Variants in FAT3 observed in about 807,000 individuals in gnomAD.
The protein encoded by FAT3 is protocadherin Fat 3.
In FAT3, 95 loss-of-function variants were observed where a neutral mutation model predicts 310.2. The ratio of observed to expected loss-of-function variants is 0.31; its 90% CI spans 0.26 to 0.36. The LOEUF (loss-of-function observed/expected upper bound fraction) is 0.36. FAT3 is among the 10% of genes least tolerant of loss of function. The pLI is 1.00. For synonymous variants in FAT3, 2,314 were observed against 2,192.9 expected, an observed-to-expected ratio of 1.06 and a Z score of -1.54; for missense variants, 5,408 against 5,715.6, an observed-to-expected ratio of 0.95 and a Z score of 1.74.
chr11:92,555,063 A>G (rs1447426462), intron 3 of FAT3, among the ~76,000 whole-genome samples: 1 of 152,224 alleles, frequency 6.6e-6, no homozygotes. Context: ...CTTTGAGACC[A>G]CACACACCCA....
intron 2 of FAT3, among the ~76,000 whole-genome samples, chr11:92,423,433 C>G (rs1196572726): frequency 6.6e-6 from 1 of 152,112 alleles, no homozygotes; most frequent in Non-Finnish European, 1.5e-5. Flanking sequence ...GATCTCATTA[C>G]TTTGGAATAC....
chr11:92,607,393 A>G (rs1458563131), intron 3 of FAT3, among the ~76,000 whole-genome samples: 1 of 152,202 alleles, frequency 6.6e-6, no homozygotes, highest in African/African-American at 2.4e-5. Context: ...TTAAAGAAAC[A>G]TGACAACAAT....
chr11:92,263,618 A>AGTGTGTGTGTGT (rs555917659), intron 1 of FAT3, among the ~76,000 whole-genome samples: 2 of 147,484 alleles, frequency 1.4e-5, no homozygotes, highest in African/African-American at 5.1e-5. Context: ...TTTGAATATA[A>AGTGTGTGTGTGT]GTGTGTGTGT....
At chr11:92,519,677 A>G (rs7128802) in intron 2 of FAT3, among the ~76,000 whole-genome samples, 5,404 of 152,118 alleles carry the variant, frequency 0.036, 320 homozygotes, top group African/African-American at 0.12. Context: ...CAAGAAAACA[A>G]CCCAAATTTA....
chr11:92,704,480 A>C (rs951577250), intron 4 of FAT3, among the ~76,000 whole-genome samples: 1 of 152,218 alleles, frequency 6.6e-6, no homozygotes, highest in African/African-American at 2.4e-5. Flanking sequence ...GTAACTCAGA[A>C]TGTGACTGGA....
At chr11:92,387,470 C>T (rs186506253) in intron 2 of FAT3, among the ~76,000 whole-genome samples, 89 of 151,992 alleles carry the variant, frequency 5.9e-4, no homozygotes, top group Admixed American at 1.7e-3. Context: ...TGTTGGAAAC[C>T]AGAAAGAAGG....
chr11:92,787,329 A>G (rs1198555948), intron 7 of FAT3, among the ~76,000 whole-genome samples: 1 of 152,080 alleles, frequency 6.6e-6, no homozygotes, highest in Non-Finnish European at 1.5e-5. Flanking sequence ...TAGAAGCTGA[A>G]CTGCTTTGAA....
intron 3 of FAT3, among the ~76,000 whole-genome samples, chr11:92,568,410 A>C (rs762442211): frequency 8.5e-5 from 13 of 152,118 alleles, no homozygotes; most frequent in Non-Finnish European, 1.5e-4. Flanking sequence ...TAGTGAGTAC[A>C]TTTTTATATT....
chr11:92,689,079 T>A (rs899564366), intron 3 of FAT3, among the ~76,000 whole-genome samples: 8 of 152,184 alleles, frequency 5.3e-5, no homozygotes, highest in African/African-American at 1.9e-4. Flanking sequence ...ATGCTAAGCA[T>A]TTTTAATTAT....
chr11:92,399,625 C>G (rs1042658350), intron 2 of FAT3, among the ~76,000 whole-genome samples: 3 of 152,126 alleles, frequency 2.0e-5, no homozygotes, highest in African/African-American at 4.8e-5. Context: ...GAGGAAATAT[C>G]CTACAGAAAT....
At chr11:92,696,412 C>A (rs1457380593) in intron 3 of FAT3, among the ~76,000 whole-genome samples, 1 of 152,134 alleles carries the variant, frequency 6.6e-6, no homozygotes, top group Non-Finnish European at 1.5e-5. Flanking sequence ...CCCACCACTT[C>A]TGTATAAGAC....
intron 2 of FAT3, among the ~76,000 whole-genome samples, chr11:92,368,296 T>C (rs1244805862): frequency 6.6e-6 from 1 of 152,196 alleles, no homozygotes; most frequent in East Asian, 1.9e-4. Context: ...TCACAACTTG[T>C]TATTTTTAAT....
At chr11:92,404,990 C>A (rs374793635) in intron 2 of FAT3, among the ~76,000 whole-genome samples, 6 of 152,090 alleles carry the variant, frequency 3.9e-5, no homozygotes, top group Non-Finnish European at 8.8e-5. Context: ...ATACCACCGA[C>A]TTTCCTGGGC....
chr11:92,252,163 G>A (rs1865165009), intron 1 of FAT3, among the ~76,000 whole-genome samples: 1 of 152,170 alleles, frequency 6.6e-6, no homozygotes, highest in Non-Finnish European at 1.5e-5. Flanking sequence ...TGGAGCTTCT[G>A]CAGAGGTCCT....
intron 13 of FAT3, among the ~76,000 whole-genome samples, chr11:92,810,384 T>C (rs905799748): frequency 3.9e-5 from 6 of 152,186 alleles, no homozygotes; most frequent in Non-Finnish European, 8.8e-5. Context: ...ACCTTTTGAA[T>C]AAAAATGATA....
chr11:92,752,184 T>C (rs964947476), intron 4 of FAT3, among the ~76,000 whole-genome samples: 5 of 152,264 alleles, frequency 3.3e-5, no homozygotes, highest in African/African-American at 7.2e-5. Context: ...TAATATGTTA[T>C]TGCAGCATGG....
chr11:92,368,585 T>G (rs542469294), intron 2 of FAT3, among the ~76,000 whole-genome samples: 17 of 152,132 alleles, frequency 1.1e-4, no homozygotes, highest in Non-Finnish European at 2.4e-4. Flanking sequence ...GTGACAAGTT[T>G]ACATGTCTAA....
intron 1 of FAT3, among the ~76,000 whole-genome samples, chr11:92,254,585 T>C (rs965858533): frequency 8.5e-5 from 13 of 152,274 alleles, no homozygotes; most frequent in African/African-American, 3.1e-4. Flanking sequence ...TAATTTTTGA[T>C]GTTAGGCTAG....
rs532282899 is a variant in FAT3, at chr11:92,764,994, A to G, written c.4100A>G (p.Tyr1367Cys). The G allele has an allele frequency of 1.4e-5, 23 of 1,613,770 alleles. No individual in the cohort carries two copies. Among genetic ancestry groups the G allele is most frequent in the Non-Finnish European group, 1.9e-5 (23 of 1,179,864 alleles). Residue 1367 changes from tyrosine (Y) to cysteine (C), a missense_variant, in exon 6 of 28, where the codon TAT becomes TGT. Around this residue, in one of 5 missense-constraint regions of FAT3, gnomAD observed 4,588 missense variants for 4,809.8 expected, o/e 0.95. Coordinates refer to ENST00000525166, the MANE Select transcript of FAT3 (RefSeq NM_001367949.2). ...PIPLTFDEPF[Y>C]NFTVMESDRV... ...CCATTGACCTTCGATGAGCCGTTTT[A>G]TAACTTCACAGTCATGGAAAGTGAT...
Sources: allele counts gnomAD v4.1 joint callset (sites outside exome capture counted in the v4.1 genomes callset), GRCh38; gene constraint gnomAD v4.1.1; regional missense constraint gnomAD v4.1.1; transcripts MANE v1.5; gene names NCBI Gene and HGNC (gene_info 2026-07-23, HGNC 2026-07-21).